Variants in MAML1 observed in about 807,000 individuals in gnomAD.
MAML1 encodes mastermind-like protein 1.
MAML1 carries 14 observed loss-of-function variants against 77.1 expected under a neutral mutation model. The ratio of observed to expected loss-of-function variants is 0.18; its 90% CI spans 0.12 to 0.28. The LOEUF (loss-of-function observed/expected upper bound fraction) is 0.28, where lower values mean the gene tolerates loss of function less well. Ranked by LOEUF, MAML1 falls within the 10% of genes least tolerant of loss-of-function variation. The pLI, the probability that MAML1 is intolerant of heterozygous loss-of-function variation, is 1.00. For missense variants in MAML1, 1,217 were observed against 1,327.8 expected (o/e 0.92, Z 1.30); for synonymous variants, 516 against 551.9 (o/e 0.93, Z 0.91).
intron 1 of MAML1, among the ~76,000 whole-genome samples, chr5:179,761,356 A>T (rs1348108398): frequency 1.3e-5 from 2 of 151,910 alleles, no homozygotes; most frequent in African/African-American, 4.8e-5. Context: ...ATCATCACCC[A>T]TTGTACTCCA....
At chr5:179,745,730 G>C (rs185235949) in intron 1 of MAML1, among the ~76,000 whole-genome samples, 1 of 151,538 alleles carries the variant, frequency 6.6e-6, no homozygotes, top group Non-Finnish European at 1.5e-5. Context: ...CGTGGTGGCG[G>C]GCGTCTGTAG....
At chr5:179,762,080 C>T (rs774462539) in intron 1 of MAML1, among the ~76,000 whole-genome samples, 2 of 152,172 alleles carry the variant, frequency 1.3e-5, no homozygotes, top group African/African-American at 4.8e-5. Context: ...CATGAAAGAA[C>T]CACGCGTGTC....
At chr5:179,733,666 G>T (rs1037495116) in intron 1 of MAML1, among the ~76,000 whole-genome samples, 1 of 152,256 alleles carries the variant, frequency 6.6e-6, no homozygotes. Context: ...GACCTGGGAA[G>T]GCTGGCGAAC....
chr5:179,753,224 C>CGT (rs1554150278), intron 1 of MAML1, among the ~76,000 whole-genome samples: 1 of 24,388 alleles, frequency 4.1e-5, no homozygotes, highest in Non-Finnish European at 1.4e-4. Flanking sequence ...TGTGTGTGTG[C>CGT]GCGCGCGCGC....
intron 3 of MAML1, chr5:179,770,824 C>T (rs1034080377): frequency 3.9e-6 from 1 of 257,960 alleles, no homozygotes; most frequent in African/African-American, 2.2e-5. Flanking sequence ...GCTGATTTCT[C>T]TACATCCTCA....
rs1462644239 is a variant in MAML1 at position 179,771,121 on chromosome 5, GT to G, written c.1972-22del. 6.3e-7 allele frequency: 1 copy of G among 1,591,072 alleles called. No homozygotes were observed. The highest frequency in any genetic ancestry group is 8.6e-7 in the Non-Finnish European group (1 of 1,159,080). On this transcript the variant is annotated intron_variant, in intron 3 of 4. Transcript: ENST00000292599. The surrounding 1 kb of genome is among the most constrained non-coding windows in gnomAD (Gnocchi z 4.7). ...TTGGATTTTGTTATATGTTGGTTTT[GT>G]TTTGTTGTTCTTGGCATTTTCTAGG...
intron 1 of MAML1, 35 bp from the exon 2 acceptor site, chr5:179,765,291 A>G (rs1220825814): frequency 6.6e-7 from 1 of 1,525,780 alleles, no homozygotes; most frequent in East Asian, 2.3e-5. Context: ...GCAAATTCAT[A>G]TGTATCTTAA....
intron 1 of MAML1, among the ~76,000 whole-genome samples, chr5:179,753,156 C>T (rs114247299): frequency 0.019 from 2,906 of 151,526 alleles, 100 homozygotes; most frequent in African/African-American, 0.066. Context: ...TTTCAGTTTG[C>T]TCACCTAAAT....
chr5:179,734,970 C>T (rs763742527), intron 1 of MAML1, among the ~76,000 whole-genome samples: 1 of 152,172 alleles, frequency 6.6e-6, no homozygotes, highest in African/African-American at 2.4e-5. Context: ...GCCACCGCAC[C>T]GTGCCGCCCC....
chr5:179,741,930 C>T (rs938747600), intron 1 of MAML1, among the ~76,000 whole-genome samples: 8 of 151,826 alleles, frequency 5.3e-5, no homozygotes, highest in Non-Finnish European at 1.0e-4. Context: ...ACAGAGTCTC[C>T]GTCTGTCGCC....
Position 179,775,500 on chromosome 5 carries a change from T to G in MAML1, c.*623T>G. On this transcript the variant is annotated 3_prime_UTR_variant, in exon 5 of 5. Coordinates refer to ENST00000292599, the MANE Select transcript of MAML1 (RefSeq NM_014757.5). ...GCCACTGGAAAATTATTTCCCTAAG[T>G]GCAGGCTGTTGACTGCGTATGCCAA... 1.0e-6 allele frequency: 1 copy of G among 985,360 alleles called. No individual in the cohort carries two copies. Among genetic ancestry groups the G allele is most frequent in the Non-Finnish European group, 1.2e-6 (1 of 829,918 alleles). The allele number at this position is 985,360 out of a possible 1,614,324, so 61.0% of individuals were successfully genotyped here.
intron 1 of MAML1, 75 bp from the exon 2 acceptor site, chr5:179,765,250 TC>T: frequency 7.8e-7 from 1 of 1,282,298 alleles, no homozygotes; most frequent in South Asian, 1.4e-5. Flanking sequence ...TGCAGGGACA[TC>T]AGCCCTTGGC....
chr5:179,762,716 T>C (rs1407866802), intron 1 of MAML1, among the ~76,000 whole-genome samples: 1 of 152,192 alleles, frequency 6.6e-6, no homozygotes, highest in East Asian at 1.9e-4. Flanking sequence ...TGCCCATCTC[T>C]ATTGTGATTC....
rs188405932 is a variant in MAML1, at chr5:179,737,446, C to G, written c.315+4019C>G. Among the ~76,000 whole-genome samples the G allele has an allele frequency of 1.7e-3, 253 of 152,182 alleles. 3 individuals carry two copies. Among genetic ancestry groups the G allele is most frequent in the African/African-American group, 5.9e-3 (245 of 41,512 alleles). On this transcript the variant is annotated intron_variant, in intron 1 of 4. Transcript: ENST00000292599. ...TTTTGGCTTGGAGAAAACAGCTTTG[C>G]AGAAAGAGATGGAAAGAAGGTACCT...
chr5:179,751,962 C>G (rs943588423), intron 1 of MAML1, among the ~76,000 whole-genome samples: 12 of 151,924 alleles, frequency 7.9e-5, no homozygotes, highest in African/African-American at 2.9e-4. Context: ...TGTGATTGCA[C>G]CACTGCACTC....
intron 1 of MAML1, among the ~76,000 whole-genome samples, chr5:179,739,579 G>A (rs1779239952): frequency 6.6e-6 from 1 of 152,168 alleles, no homozygotes; most frequent in Admixed American, 6.6e-5. Context: ...AGCTCCTCGG[G>A]AGACCGAAGT....
chr5:179,753,473 A>G (rs893691757), intron 1 of MAML1, among the ~76,000 whole-genome samples: 1 of 152,028 alleles, frequency 6.6e-6, no homozygotes, highest in Admixed American at 6.6e-5. Context: ...TTTTATTTGT[A>G]AAGGGAATAA....
intron 1 of MAML1, among the ~76,000 whole-genome samples, chr5:179,752,598 C>CTTTTTTTTTTTTTTTTTTTTTTT (rs1172970221): frequency 1.4e-5 from 1 of 71,820 alleles, no homozygotes; most frequent in African/African-American, 5.1e-5. Context: ...ATTAGATACT[C>CTTTTTTTTTTTTTTTTTTTTTTT]TTTTTTTTTT....
Position 179,733,392 on chromosome 5 carries a change from G to A in MAML1, c.280G>A (p.Ala94Thr). ...APAAPAPRLD[A>T]ADGPEHGRPA... ...CGCCGCCCCGGCCCCGCGCCTGGAC[G>A]CCGCTGACGGCCCCGAGCACGGCCG... Residue 94 changes from alanine (A) to threonine (T), a missense_variant, in exon 1 of 5, where the codon GCC becomes ACC. This residue lies in a region of MAML1 where 312 missense variants were observed against 331.4 expected (regional missense o/e 0.94). Coordinates refer to ENST00000292599, the MANE Select transcript of MAML1 (RefSeq NM_014757.5). 1 of 1,171,538 alleles carries A rather than the reference G, an allele frequency of 8.5e-7. No homozygotes were observed. The highest frequency in any genetic ancestry group is 1.0e-6 in the Non-Finnish European group (1 of 954,784). 72.6% of individuals were successfully genotyped at this position (1,171,538 alleles called of 1,614,324 possible). A position where few individuals can be genotyped will look rare whatever the true frequency, so the allele number is the denominator to read the frequency against.
Sources: gnomAD v4.1 joint callset for allele counts (sites outside exome capture counted in the v4.1 genomes callset) on GRCh38, gnomAD v4.1.1 for gene constraint, gnomAD v4.1.1 regional missense constraint, Gnocchi (gnomAD v3.1) non-coding constraint, MANE v1.5 for transcripts, NCBI Gene and HGNC (gene_info 2026-07-23, HGNC 2026-07-21) for gene names.